The following HLCS variants were observed in gnomAD, a reference collection of about 807,000 sequenced individuals.
The protein encoded by HLCS is biotin--protein ligase.
In HLCS, 53 loss-of-function variants were observed where a neutral mutation model predicts 75.0. That is an observed-to-expected ratio of 0.71 (90% CI 0.57 to 0.89). The LOEUF (loss-of-function observed/expected upper bound fraction) is 0.89, where lower values mean the gene tolerates loss of function less well. HLCS is among the 40% of genes least tolerant of loss of function. The pLI is 0.00. For missense variants in HLCS, 966 were observed against 1,074.0 expected (o/e 0.90, Z 1.41); for synonymous variants, 431 against 428.6 (o/e 1.01, Z -0.07).
intron 6 of HLCS, among the ~76,000 whole-genome samples, chr21:36,855,393 C>T (rs1023435908): frequency 1.3e-5 from 2 of 151,388 alleles, no homozygotes; most frequent in Non-Finnish European, 2.9e-5. Flanking sequence ...AAAAAATTAG[C>T]TGGGCCTGAT....
intron 6 of HLCS, among the ~76,000 whole-genome samples, chr21:36,802,258 G>C (rs1019021685): frequency 6.6e-6 from 1 of 152,130 alleles, no homozygotes; most frequent in African/African-American, 2.4e-5. Flanking sequence ...TAAGGGGAAA[G>C]GGACAGTGGG....
chr21:36,947,591 C>G, intron 2 of HLCS: 1 of 985,436 alleles, frequency 1.0e-6, no homozygotes, highest in African/African-American at 1.7e-5. Context: ...GAAGCCCTGG[C>G]TGTCCCTAAA....
chr21:36,875,435 C>T (rs191957481), intron 6 of HLCS, among the ~76,000 whole-genome samples: 81 of 152,372 alleles, frequency 5.3e-4, no homozygotes, highest in Non-Finnish European at 1.1e-3. Flanking sequence ...TCACACTCTC[C>T]TCTGGAAGAC....
At chr21:36,893,702 C>A (rs1317348133) in intron 6 of HLCS, among the ~76,000 whole-genome samples, 2 of 152,224 alleles carry the variant, frequency 1.3e-5, no homozygotes, top group African/African-American at 2.4e-5. Flanking sequence ...GAATCTAATG[C>A]TGCCGCTGAT....
At chr21:36,760,381 C>T (rs1225810741) in intron 8 of HLCS, among the ~76,000 whole-genome samples, 11 of 152,022 alleles carry the variant, frequency 7.2e-5, no homozygotes, top group African/African-American at 1.4e-4. Flanking sequence ...GAGGCTGAGG[C>T]GGGCGGATCA....
At chr21:36,879,881 G>A (rs1293768769) in intron 6 of HLCS, among the ~76,000 whole-genome samples, 1 of 149,466 alleles carries the variant, frequency 6.7e-6, no homozygotes, top group Non-Finnish European at 1.5e-5. Context: ...CTACACTCCA[G>A]CCTGGATGAC....
Position 36,930,248 on chromosome 21 carries a change from C to A in HLCS, c.1620+3G>T, listed in dbSNP as rs1016428059. On this transcript the variant is annotated splice_donor_region_variant and intron_variant, in intron 5 of 10. Coordinates refer to ENST00000674895, the MANE Select transcript of HLCS (RefSeq NM_001352514.2). ...GCTCTGCCCAGCTGAGCCCACAACT[C>A]ACCTCCGCAGCTGACAGCAAGTAAA... The A allele has an allele frequency of 1.2e-6, 2 of 1,613,962 alleles. No individual in the cohort carries two copies. Among genetic ancestry groups the A allele is most frequent in the African/African-American group, 2.7e-5 (2 of 74,932 alleles).
chr21:36,868,401 A>G (rs958014553), intron 6 of HLCS, among the ~76,000 whole-genome samples: 1 of 152,134 alleles, frequency 6.6e-6, no homozygotes, highest in African/African-American at 2.4e-5. Flanking sequence ...AGAGAAAGGA[A>G]GGGCACAGGC....
Position 36,920,823 on chromosome 21 carries a change from A to ATTTT in HLCS, c.1620+9427_1620+9428insAAAA, listed in dbSNP as rs1160582270. ...CCTTTAAAGCATTTTATTAACTAAAAAGCTACAGAAAAACTTAAATCCTGA... is the reference window on the plus strand; with the variant it reads ...CCTTTAAAGCATTTTATTAACTAAAATTTTAGCTACAGAAAAACTTAAATCCTGA... On this transcript the variant is annotated intron_variant, in intron 5 of 10. Transcript: ENST00000674895. Among the ~76,000 whole-genome samples, 6 of 152,328 alleles carry ATTTT rather than the reference A, an allele frequency of 3.9e-5. No individual in the cohort carries two copies. In the East Asian group the frequency reaches 1.2e-3, roughly 29 times the overall value.
intron 5 of HLCS, among the ~76,000 whole-genome samples, chr21:36,918,002 A>T (rs1287923455): frequency 6.6e-6 from 1 of 152,196 alleles, no homozygotes; most frequent in Admixed American, 6.5e-5. Context: ...AAATAAATAA[A>T]GAGAACTGTT....
rs1055819376 is a variant in HLCS at position 36,904,665 on chromosome 21, A to G, written c.1621-7534T>C. Among the ~76,000 whole-genome samples, 19 of 152,334 alleles carry G rather than the reference A, an allele frequency of 1.2e-4. 1 individual carries two copies. The highest frequency in any genetic ancestry group is 1.1e-3 in the Admixed American group (17 of 15,294). Reference sequence around the variant, plus strand: ...CCCCGCTCCACCATTAACCCTGGACAACATAAAAATTCTGAATAAAATTCT... The same window carrying G: ...CCCCGCTCCACCATTAACCCTGGACGACATAAAAATTCTGAATAAAATTCT... On this transcript the variant is annotated intron_variant, in intron 5 of 10. Coordinates refer to ENST00000674895, the MANE Select transcript of HLCS (RefSeq NM_001352514.2).
At chr21:36,927,348 A>T (rs938196928) in intron 5 of HLCS, among the ~76,000 whole-genome samples, 1 of 152,244 alleles carries the variant, frequency 6.6e-6, no homozygotes, top group Admixed American at 6.5e-5. Flanking sequence ...GTCTCCGAGC[A>T]CATCCTTCCC....
At chr21:36,757,484 A>G (rs2089649056) in intron 9 of HLCS, among the ~76,000 whole-genome samples, 1 of 152,162 alleles carries the variant, frequency 6.6e-6, no homozygotes, top group African/African-American at 2.4e-5. Context: ...TTCAGTGTTC[A>G]GCAGGGCCCT....
chr21:36,970,025 T>C (rs554357249), upstream of HLCS, among the ~76,000 whole-genome samples: 2 of 152,320 alleles, frequency 1.3e-5, no homozygotes, highest in East Asian at 1.9e-4. Flanking sequence ...AAAAAGTCTC[T>C]AGTTTCTTGC....
intron 2 of HLCS, among the ~76,000 whole-genome samples, chr21:36,950,039 G>A (rs866274143): frequency 3.3e-5 from 5 of 151,944 alleles, no homozygotes; most frequent in Admixed American, 2.0e-4. Flanking sequence ...CTATCTCAGC[G>A]TTCCTACTCC....
At chr21:36,972,013 G>GT (rs1158047314) in intron 1 of HLCS, 1 of 152,142 alleles carries the variant, frequency 6.6e-6, no homozygotes, top group Non-Finnish European at 1.5e-5. Flanking sequence ...TTAGAAGGTT[G>GT]TTTGTGACCC....
chr21:36,888,993 C>T (rs946961686), intron 6 of HLCS, among the ~76,000 whole-genome samples: 1 of 152,160 alleles, frequency 6.6e-6, no homozygotes, highest in African/African-American at 2.4e-5. Flanking sequence ...ACGGTGTACA[C>T]AACTTTACAA....
At chr21:36,989,314 C>CTTTTTTTT (rs35073331) in intron 1 of HLCS, among the ~76,000 whole-genome samples, 3 of 80,010 alleles carry the variant, frequency 3.7e-5, no homozygotes, top group East Asian at 4.3e-4. Context: ...TCTGGCCCAT[C>CTTTTTTTT]TTTTTTTTTT....
At chr21:36,830,054 C>T (rs945160540) in intron 6 of HLCS, among the ~76,000 whole-genome samples, 5 of 152,164 alleles carry the variant, frequency 3.3e-5, no homozygotes, top group Non-Finnish European at 7.4e-5. Flanking sequence ...CAGGTGGGTC[C>T]TAATCCAGTA....
Sources: gnomAD v4.1 joint callset for allele counts (sites outside exome capture counted in the v4.1 genomes callset) on GRCh38, gnomAD v4.1.1 for gene constraint, MANE v1.5 for transcripts, NCBI Gene and HGNC (gene_info 2026-07-23, HGNC 2026-07-21) for gene names.